The following WDR93 variants were observed in gnomAD, a reference collection of about 807,000 sequenced individuals.
The protein encoded by WDR93 is WD repeat domain 93, also known as WD repeat-containing protein 93.
Under a neutral mutation model 82.9 loss-of-function variants are expected in WDR93, and 73 were observed. The ratio of observed to expected loss-of-function variants is 0.88; its 90% CI spans 0.73 to 1.07. WDR93 has a LOEUF of 1.07. Ranked by LOEUF, WDR93 falls within the 50% of genes least tolerant of loss-of-function variation. The pLI is 0.00. For missense variants in WDR93, 738 were observed against 826.0 expected (o/e 0.89, Z 1.31); for synonymous variants, 283 against 300.1 (o/e 0.94, Z 0.59).
At chr15:89,698,872 T>A (rs1596066495) in intron 1 of WDR93, among the ~76,000 whole-genome samples, 1 of 152,244 alleles carries the variant, frequency 6.6e-6, no homozygotes, top group East Asian at 1.9e-4. Context: ...TATTTCCACC[T>A]GATATCATTT....
At chr15:89,727,007 G>GTATCATT in intron 8 of WDR93, 150 bp from the exon 9 acceptor site, 1 of 831,604 alleles carries the variant, frequency 1.2e-6, no homozygotes, top group Non-Finnish European at 1.8e-6. Context: ...GAGGCCGGGA[G>GTATCATT]AAGACTGAAT....
At chr15:89,742,055 A>G (rs892465666) in intron 16 of WDR93, among the ~76,000 whole-genome samples, 5 of 152,014 alleles carry the variant, frequency 3.3e-5, no homozygotes, top group African/African-American at 1.2e-4. Flanking sequence ...CCGGCCTCCA[A>G]TACATTTTTA....
At chr15:89,690,739 A>T (rs1052648226), upstream of WDR93, 2 of 719,056 alleles carry the variant, frequency 2.8e-6, no homozygotes, top group Admixed American at 2.7e-5. Context: ...GCTGAGGGGG[A>T]GGGGCTGAGT....
intron 1 of WDR93, among the ~76,000 whole-genome samples, chr15:89,698,317 C>A (rs1965290244): frequency 6.6e-6 from 1 of 151,962 alleles, no homozygotes; most frequent in Non-Finnish European, 1.5e-5. Context: ...CTTTGTTCAC[C>A]CTTTTAGTTT....
chr15:89,716,483 T>G (rs539885321), intron 6 of WDR93, among the ~76,000 whole-genome samples: 1 of 152,364 alleles, frequency 6.6e-6, no homozygotes, highest in African/African-American at 2.4e-5. Context: ...CACTTCTTTT[T>G]CATACACTGA....
chr15:89,739,636 A>G (rs971058018), intron 16 of WDR93, among the ~76,000 whole-genome samples: 8 of 152,120 alleles, frequency 5.3e-5, no homozygotes, highest in Non-Finnish European at 4.4e-5. Flanking sequence ...CTGACCACAC[A>G]TTTCGGGTGG....
At chr15:89,690,742 G>A (rs2141559572), upstream of WDR93, 1 of 691,914 alleles carries the variant, frequency 1.4e-6, no homozygotes, top group Non-Finnish European at 2.4e-6. Context: ...GAGGGGGAGG[G>A]GCTGAGTCTC....
intron 11 of WDR93, among the ~76,000 whole-genome samples, chr15:89,730,237 A>G (rs1270281851): frequency 6.6e-6 from 1 of 151,790 alleles, no homozygotes; most frequent in East Asian, 1.9e-4. Flanking sequence ...AGGCAGGAGA[A>G]TCACATGAAC....
chr15:89,714,120 A>G (rs2141635724), intron 5 of WDR93: 1 of 152,290 alleles, frequency 6.6e-6, no homozygotes, highest in East Asian at 1.9e-4. Flanking sequence ...TTCTTTAGGT[A>G]CATCTTTCCC....
At chr15:89,713,980 A>G (rs1966124041) in intron 5 of WDR93, among the ~76,000 whole-genome samples, 2 of 152,196 alleles carry the variant, frequency 1.3e-5, no homozygotes, top group South Asian at 4.1e-4. Flanking sequence ...CCAGGATCCC[A>G]TACCATGGGA....
At chr15:89,721,489 TC>T (rs1427419476) in intron 7 of WDR93, 2 of 152,730 alleles carry the variant, frequency 1.3e-5, no homozygotes, top group Non-Finnish European at 2.9e-5. Flanking sequence ...AGGAGGTCGC[TC>T]CTGCAGTGAG....
chr15:89,714,933 G>C, intron 5 of WDR93, 47 bp from the exon 6 acceptor site: 1 of 1,524,406 alleles, frequency 6.6e-7, no homozygotes, highest in South Asian at 1.2e-5. Flanking sequence ...GAGGAAACTT[G>C]TGGCTCTCTT....
intron 4 of WDR93, among the ~76,000 whole-genome samples, chr15:89,711,507 T>G (rs951871486): frequency 7.2e-6 from 1 of 138,540 alleles, no homozygotes; most frequent in Non-Finnish European, 1.6e-5. Flanking sequence ...CTTAAAATTT[T>G]TAAAAATTAG....
intron 2 of WDR93, among the ~76,000 whole-genome samples, chr15:89,702,695 T>C (rs1449107918): frequency 3.3e-5 from 5 of 152,062 alleles, no homozygotes; most frequent in Non-Finnish European, 5.9e-5. Context: ...TATGCCACCA[T>C]GCCCGGATAA....
intron 14 of WDR93, among the ~76,000 whole-genome samples, chr15:89,735,931 AGGCAAGAGAGCACCACGTGTCCCG>A (rs1967131030): frequency 1.3e-5 from 2 of 152,170 alleles, no homozygotes; most frequent in African/African-American, 4.8e-5. Context: ...AACACCATGG[AGGCAAGAGAGCACCACGTGTCCCG>A]GGCACTGCAG....
chr15:89,739,118 A>G (rs1967451567), intron 16 of WDR93, among the ~76,000 whole-genome samples: 1 of 139,070 alleles, frequency 7.2e-6, no homozygotes, highest in Non-Finnish European at 1.5e-5. Context: ...CCTGCCTCAA[A>G]AAAAAAAAAA....
chr15:89,707,912 T>C (rs762047684), intron 4 of WDR93, among the ~76,000 whole-genome samples: 4 of 152,238 alleles, frequency 2.6e-5, no homozygotes, highest in Non-Finnish European at 5.9e-5. Flanking sequence ...AACAGGTGAA[T>C]GGATAAGTAA....
chr15:89,742,475 G>C (rs2141736855), intron 16 of WDR93, among the ~76,000 whole-genome samples: 1 of 151,866 alleles, frequency 6.6e-6, no homozygotes, highest in South Asian at 2.1e-4. Flanking sequence ...GGTGAATCTT[G>C]GGCTTCTCTG....
intron 7 of WDR93, chr15:89,721,282 TGTG>T (rs1567116749): frequency 6.6e-6 from 1 of 152,188 alleles, no homozygotes; most frequent in Non-Finnish European, 1.5e-5. Flanking sequence ...CTTGGCCACA[TGTG>T]GTGGCTCACA....
Sources: gnomAD v4.1 joint callset for allele counts (sites outside exome capture counted in the v4.1 genomes callset) on GRCh38, gnomAD v4.1.1 for gene constraint, MANE v1.5 for transcripts, NCBI Gene and HGNC (gene_info 2026-07-23, HGNC 2026-07-21) for gene names.